EVC: variants seen among roughly 807,000 people sequenced by gnomAD.
EVC encodes evC complex member EVC.
A neutral mutation model predicts 118.9 loss-of-function variants in EVC; 116 were observed. The observed-to-expected ratio is 0.98, with a 90% CI of 0.84 to 1.14. The LOEUF is 1.14. Among genes scored for constraint, EVC ranks in the 50% most tolerant of loss-of-function variants. The pLI, the probability that EVC is intolerant of heterozygous loss-of-function variation, is 0.00. For missense variants in EVC, 1,401 were observed against 1,246.4 expected (o/e 1.12, Z -1.87); for synonymous variants, 619 against 534.7 (o/e 1.16, Z -2.18).
chr4:5,741,659 G>T, intron 5 of EVC, 57 bp from the exon 6 acceptor site: 1 of 1,063,282 alleles, frequency 9.4e-7, no homozygotes, highest in Non-Finnish European at 1.5e-6. Flanking sequence ...GAAAGCAAAA[G>T]ACAAAAATAC....
chr4:5,804,797 G>A lies in EVC; in HGVS notation c.2517G>A (p.Arg839=), dbSNP rs769319527. 1 of 1,614,166 alleles carries A rather than the reference G, an allele frequency of 6.2e-7. No individual in the cohort carries two copies. The highest frequency in any genetic ancestry group is 1.7e-5 in the Admixed American group (1 of 60,018). The part of the protein sequence containing the change: ...QELSNPSSGS[R]TAGGAHETSQ... ...TCAGCAACCCTTCGTCGGGCAGCAG[G>A]ACGGCAGGTGGCGCTCATGAGACCT... The change falls in exon 17 of 21, where the codon AGG becomes AGA. Residue 839 remains arginine, a synonymous_variant. Coordinates refer to ENST00000264956, the MANE Select transcript of EVC (RefSeq NM_153717.3).
chr4:5,797,142 C>T lies in EVC; in HGVS notation c.2007C>T (p.His669=), dbSNP rs1309166734. The T allele has an allele frequency of 1.9e-6, 3 of 1,613,416 alleles. No homozygotes were observed. The highest frequency in any genetic ancestry group is 1.6e-4 in the Middle Eastern group (1 of 6,078). The part of the protein sequence containing the change: ...LTQMRLSGKK[H]LLQELREQRA... Reference sequence around the variant, plus strand: ...AGATGCGGCTATCGGGGAAGAAGCACCTCCTGCAGGAGCTGCGGGAACAGC... The same window carrying T: ...AGATGCGGCTATCGGGGAAGAAGCATCTCCTGCAGGAGCTGCGGGAACAGC... Residue 669 remains histidine (H), a synonymous_variant, in exon 14 of 21, where the codon CAC becomes CAT. Transcript: ENST00000264956.
chr4:5,754,733 G>A lies in EVC; in HGVS notation c.1464+800G>A, dbSNP rs1730907200. Among the ~76,000 whole-genome samples the A allele has an allele frequency of 6.6e-6, 1 of 152,118 alleles. No individual in the cohort carries two copies. Among genetic ancestry groups the A allele is most frequent in the South Asian group, 2.1e-4 (1 of 4,820 alleles). ...ATAGCTGGGTGACCTTGGGCATGTT[G>A]CTTACCCTCTGGCCCTCAGCTTCCA... On this transcript the variant is annotated intron_variant, in intron 10 of 20. Transcript: ENST00000264956. The surrounding 1 kb of genome is among the most constrained non-coding windows in gnomAD (Gnocchi z 5.8).
At chr4:5,809,058 T>G (rs1716473764) in intron 18 of EVC, among the ~76,000 whole-genome samples, 1 of 152,246 alleles carries the variant, frequency 6.6e-6, no homozygotes, top group Admixed American at 6.5e-5. Flanking sequence ...TTACTGCTAC[T>G]GTCCCCATTA....
rs992046399 is a variant in EVC at position 5,719,760 on chromosome 4, C to A, written c.300+387C>A. 2.0e-5 allele frequency among the ~76,000 whole-genome samples: 3 copies of A among 152,168 alleles called. No homozygotes were observed. The highest frequency in any genetic ancestry group is 3.9e-4 in the East Asian group (2 of 5,194). On this transcript the variant is annotated intron_variant, in intron 2 of 20. Coordinates refer to ENST00000264956, the MANE Select transcript of EVC (RefSeq NM_153717.3). The surrounding 1 kb of genome is among the most constrained non-coding windows in gnomAD (Gnocchi z 4.7). Reference sequence around the variant, plus strand: ...CTGTTCTGTGCCTGTGTTCCCTCCACAGAATGCCTTAAGATGTTTCCCTTT... The same window carrying A: ...CTGTTCTGTGCCTGTGTTCCCTCCAAAGAATGCCTTAAGATGTTTCCCTTT...
At chr4:5,745,384 T>C (rs1433115361) in intron 7 of EVC, 43 bp downstream of exon 7, 1 of 1,604,998 alleles carries the variant, frequency 6.2e-7, no homozygotes, top group African/African-American at 1.3e-5. Context: ...TTTTGGTTCC[T>C]AAAACAGTTA....
rs1577671031 is a variant in EVC, at chr4:5,810,359, A to T, written c.2803A>T (p.Arg935Trp). The T allele has an allele frequency of 6.2e-7, 1 of 1,613,742 alleles. No individual in the cohort carries two copies. The highest frequency in any genetic ancestry group is 8.5e-7 in the Non-Finnish European group (1 of 1,179,898). Residue 935 changes from arginine to tryptophan, a missense_variant, in exon 20 of 21, where the codon AGG becomes TGG. Coordinates refer to ENST00000264956, the MANE Select transcript of EVC (RefSeq NM_153717.3). ...TACAGAGAAGCCCCTAAGGACTAAA[A>T]GGAAGAAGCCCCTGCCCCAGGAAAG... ...GLLEKPLRTK[R>W]KKPLPQERGD...
At chr4:5,824,939 A>G in the EVC span, 5 of 985,380 alleles carry the variant, frequency 5.1e-6, no homozygotes, top group African/African-American at 7.0e-5. Context: ...TTGTTCCCAC[A>G]CATTTGTTGA....
intron 2 of EVC, among the ~76,000 whole-genome samples, chr4:5,721,516 G>A (rs1724957572): frequency 6.6e-6 from 1 of 151,632 alleles, no homozygotes; most frequent in African/African-American, 2.4e-5. Flanking sequence ...GGAAAGGGAG[G>A]GATGGGGTGA....
intron 12 of EVC, 101 bp from the exon 13 acceptor site, chr4:5,793,507 A>G: frequency 2.0e-6 from 2 of 999,364 alleles, no homozygotes; most frequent in Non-Finnish European, 3.1e-6. Flanking sequence ...GATTTAAAAA[A>G]GAAACGCACA....
chr4:5,718,696 TG>T, intron 1 of EVC, among the ~76,000 whole-genome samples: 1 of 152,308 alleles, frequency 6.6e-6, no homozygotes, highest in East Asian at 1.9e-4. Flanking sequence ...AGCATTGGTT[TG>T]GGGGTTCTAA....
At chr4:5,828,364 T>A in the EVC span, 1 of 1,442,774 alleles carries the variant, frequency 6.9e-7, no homozygotes, top group Non-Finnish European at 9.1e-7. Flanking sequence ...ATTTAACAGA[T>A]AAGGAAACGG....
rs760828106 is a variant in EVC, at chr4:5,810,933, C to T, written c.2895-20C>T. Reference sequence around the variant, plus strand: ...ATGGAGTCAGCGTTCTAACTGGCTGCCTTTCTTCTCTGTTTTAAGCAGCAA... The same window carrying T: ...ATGGAGTCAGCGTTCTAACTGGCTGTCTTTCTTCTCTGTTTTAAGCAGCAA... On this transcript the variant is annotated intron_variant, in intron 20 of 20. Coordinates refer to ENST00000264956, the MANE Select transcript of EVC (RefSeq NM_153717.3). The T allele has an allele frequency of 4.7e-5, 75 of 1,606,238 alleles. No homozygotes were observed. Among genetic ancestry groups the T allele is most frequent in the Non-Finnish European group, 5.5e-5 (65 of 1,175,590 alleles).
downstream of EVC, among the ~76,000 whole-genome samples, chr4:5,819,146 G>C (rs1048665566): frequency 6.6e-6 from 1 of 152,154 alleles, no homozygotes; most frequent in African/African-American, 2.4e-5. Context: ...AAAGATTATT[G>C]AGAGATGGCT....
intron 3 of EVC, 67 bp downstream of exon 3, chr4:5,729,457 A>T (rs769018634): frequency 4.2e-6 from 6 of 1,430,362 alleles, no homozygotes; most frequent in Non-Finnish European, 4.9e-6. Context: ...TTGGGAGGAA[A>T]GTGGGGGGAT....
rs545184629 is a variant in EVC, at chr4:5,786,701, G to A, written c.1776+2937G>A. 1.6e-4 allele frequency among the ~76,000 whole-genome samples: 24 copies of A among 152,064 alleles called. No individual in the cohort carries two copies. In the South Asian group the frequency reaches 3.5e-3, roughly 22 times the overall value. On this transcript the variant is annotated intron_variant, in intron 12 of 20. Coordinates refer to ENST00000264956, the MANE Select transcript of EVC (RefSeq NM_153717.3). ...ATCCTGGCTAACATGGTGAAACCCC[G>A]TCTCTACTAAAAATACAAAAATTAG...
At chr4:5,732,695 G>C (rs1387685448) in intron 4 of EVC, among the ~76,000 whole-genome samples, 1 of 152,134 alleles carries the variant, frequency 6.6e-6, no homozygotes, top group Non-Finnish European at 1.5e-5. Context: ...ACCGAGGAAA[G>C]GTGACACGTG....
rs1425899204 is a variant in EVC, at chr4:5,711,565, C to G, written c.174+11C>G. Reference sequence around the variant, plus strand: ...CGCACGCGACACCAGGTGGGTCGGCCGAGCAGACAGCGGCGGGGCGGGGAG... The same window carrying G: ...CGCACGCGACACCAGGTGGGTCGGCGGAGCAGACAGCGGCGGGGCGGGGAG... On this transcript the variant is annotated intron_variant, in intron 1 of 20. Transcript: ENST00000264956. 4.3e-6 allele frequency: 5 copies of G among 1,172,614 alleles called. No individual in the cohort carries two copies. Among genetic ancestry groups the G allele is most frequent in the South Asian group, 4.3e-5 (1 of 23,348 alleles). 72.6% of individuals were successfully genotyped at this position (1,172,614 alleles called of 1,614,324 possible). A position where few individuals can be genotyped will look rare whatever the true frequency, so the allele number is the denominator to read the frequency against.
chr4:5,799,726 T>C (rs1307949367), intron 15 of EVC, among the ~76,000 whole-genome samples: 1 of 152,084 alleles, frequency 6.6e-6, no homozygotes. Flanking sequence ...CTCCAAGGGG[T>C]TCCTTTCATC....
Sources: allele counts gnomAD v4.1 joint callset (sites outside exome capture counted in the v4.1 genomes callset), GRCh38; gene constraint gnomAD v4.1.1; non-coding constraint Gnocchi (gnomAD v3.1); transcripts MANE v1.5; gene names NCBI Gene and HGNC (gene_info 2026-07-23, HGNC 2026-07-21).